The following CLIC5 variants were observed in gnomAD, a reference collection of about 807,000 sequenced individuals.
CLIC5 encodes the protein CLIC family member 5, also known as chloride intracellular channel protein 5.
In CLIC5, 20 loss-of-function variants were observed where a neutral mutation model predicts 24.7. That is an observed-to-expected ratio of 0.81 (90% CI 0.57 to 1.18). The LOEUF is 1.18. CLIC5 is among the 50% of genes most tolerant of loss of function. The probability of loss-of-function intolerance (pLI) is 0.00; values close to 1 mark genes in which losing one functional copy is unlikely to be tolerated. For missense variants in CLIC5, 341 were observed against 326.1 expected (o/e 1.05, Z -0.35); for synonymous variants, 159 against 135.6 (o/e 1.17, Z -1.20).
intron 1 of CLIC5, among the ~76,000 whole-genome samples, chr6:46,075,784 C>T (rs1054171300): frequency 3.3e-5 from 5 of 152,140 alleles, no homozygotes; most frequent in African/African-American, 1.2e-4. Context: ...CCACCCATCC[C>T]CTCTCTTTAA....
chr6:45,996,087 A>G (rs1284812504), intron 1 of CLIC5, among the ~76,000 whole-genome samples: 1 of 151,942 alleles, frequency 6.6e-6, no homozygotes, highest in Non-Finnish European at 1.5e-5. Flanking sequence ...CCTATGTAAC[A>G]AACCTGCACA....
chr6:46,067,513 A>T (rs1314128830), intron 1 of CLIC5, among the ~76,000 whole-genome samples: 2 of 152,150 alleles, frequency 1.3e-5, no homozygotes, highest in African/African-American at 4.8e-5. Flanking sequence ...ATTAATGCAG[A>T]AATACAAAGG....
At chr6:45,885,203 G>T (rs1490866544) in intron 6 of CLIC5, among the ~76,000 whole-genome samples, 2 of 152,062 alleles carry the variant, frequency 1.3e-5, no homozygotes, top group Non-Finnish European at 2.9e-5. Context: ...TCCTGAATGA[G>T]ATTAGGACCC....
chr6:45,912,951 A>C (rs532806535), intron 5 of CLIC5, among the ~76,000 whole-genome samples: 18 of 152,350 alleles, frequency 1.2e-4, no homozygotes, highest in African/African-American at 4.3e-4. Flanking sequence ...ACCAGTGTAC[A>C]CACAACTGAG....
chr6:45,909,174 G>T (rs762780935), intron 5 of CLIC5, among the ~76,000 whole-genome samples: 1 of 151,832 alleles, frequency 6.6e-6, no homozygotes, highest in Non-Finnish European at 1.5e-5. Flanking sequence ...TATGGGTGTT[G>T]TTACATATGA....
At chr6:45,947,111 G>A (rs1455288754) in intron 3 of CLIC5, among the ~76,000 whole-genome samples, 1 of 152,190 alleles carries the variant, frequency 6.6e-6, no homozygotes, top group Non-Finnish European at 1.5e-5. Flanking sequence ...AGAATCTGAT[G>A]AAATGATGAC....
chr6:45,925,943 C>T (rs1763466409), intron 4 of CLIC5, among the ~76,000 whole-genome samples: 1 of 152,122 alleles, frequency 6.6e-6, no homozygotes, highest in Admixed American at 6.5e-5. Context: ...TGCCAAACGA[C>T]TCAGGTAGGA....
At chr6:46,034,000 CT>C (rs1767593245) in intron 1 of CLIC5, among the ~76,000 whole-genome samples, 1 of 152,214 alleles carries the variant, frequency 6.6e-6, no homozygotes, top group South Asian at 2.1e-4. Flanking sequence ...AACCCAGGAA[CT>C]TGCCACATGT....
chr6:45,930,460 G>T lies in CLIC5; in HGVS notation c.406+11087C>A, dbSNP rs967626324. On this transcript the variant is annotated intron_variant, in intron 4 of 5. Transcript: ENST00000339561. ...TGGTGTGGGGGACAGATAATGGAAG[G>T]TGGCTTTGAGCCTTGAAGAAGACCT... Among the ~76,000 whole-genome samples, 19 of 152,330 alleles carry T rather than the reference G, an allele frequency of 1.2e-4. No individual in the cohort carries two copies. In the East Asian group the frequency reaches 3.5e-3, roughly 28 times the overall value.
At chr6:45,906,877 A>G (rs1181154225) in intron 5 of CLIC5, among the ~76,000 whole-genome samples, 1 of 152,118 alleles carries the variant, frequency 6.6e-6, no homozygotes, top group African/African-American at 2.4e-5. Flanking sequence ...GACTTTTTAT[A>G]CTGAGACTTT....
chr6:45,929,415 G>T (rs1292288322), intron 4 of CLIC5, among the ~76,000 whole-genome samples: 2 of 152,160 alleles, frequency 1.3e-5, no homozygotes, highest in Non-Finnish European at 2.9e-5. Flanking sequence ...GACCTCCGAG[G>T]TGGGTCCCAC....
chr6:46,072,803 C>A (rs1426042016), intron 1 of CLIC5, among the ~76,000 whole-genome samples: 1 of 152,100 alleles, frequency 6.6e-6, no homozygotes, highest in Non-Finnish European at 1.5e-5. Context: ...GTGTGAGTAC[C>A]CAGGCAGGGA....
chr6:45,914,860 A>G (rs1484906478), intron 4 of CLIC5, among the ~76,000 whole-genome samples: 2 of 151,076 alleles, frequency 1.3e-5, no homozygotes, highest in Admixed American at 6.6e-5. Flanking sequence ...CTGAGGCAAG[A>G]GAATCGCTTG....
intron 6 of CLIC5, among the ~76,000 whole-genome samples, chr6:45,888,602 C>T (rs1232567736): frequency 1.3e-5 from 2 of 152,124 alleles, no homozygotes; most frequent in Non-Finnish European, 2.9e-5. Context: ...GTGAATTTAT[C>T]TAAGTCTATC....
chr6:46,084,204 C>A (rs12213624), upstream of CLIC5, among the ~76,000 whole-genome samples: 20,802 of 151,762 alleles, frequency 0.14, 1,848 homozygotes, highest in South Asian at 0.32. Flanking sequence ...AATACAGCAC[C>A]CTGATGGGTC....
chr6:46,092,949 CTTAT>C, the CLIC5 span, among the ~76,000 whole-genome samples: 1 of 152,132 alleles, frequency 6.6e-6, no homozygotes, highest in Admixed American at 6.5e-5. Context: ...TTCAATTTCT[CTTAT>C]TTAAATTGTC....
intron 1 of CLIC5, among the ~76,000 whole-genome samples, chr6:46,072,624 C>A (rs1457225746): frequency 6.6e-6 from 1 of 152,120 alleles, no homozygotes; most frequent in Non-Finnish European, 1.5e-5. Flanking sequence ...AGTATCACAT[C>A]ACTTTCATTT....
At chr6:46,020,190 A>G (rs1417752031), upstream of CLIC5, among the ~76,000 whole-genome samples, 1 of 152,190 alleles carries the variant, frequency 6.6e-6, no homozygotes, top group Non-Finnish European at 1.5e-5. Flanking sequence ...CACAGAACAA[A>G]CTTCATTACG....
chr6:45,897,241 C>A (rs1762406140), downstream of CLIC5, among the ~76,000 whole-genome samples: 2 of 152,212 alleles, frequency 1.3e-5, no homozygotes, highest in South Asian at 4.1e-4. Flanking sequence ...TTCTTAACAA[C>A]AAGGGGATAT....
Sources: gnomAD v4.1 joint callset for allele counts (sites outside exome capture counted in the v4.1 genomes callset) on GRCh38, gnomAD v4.1.1 for gene constraint, MANE v1.5 for transcripts, NCBI Gene and HGNC (gene_info 2026-07-23, HGNC 2026-07-21) for gene names.